RBFOX2: variants seen among roughly 807,000 people sequenced by gnomAD.
RBFOX2 encodes the protein RNA binding protein fox-1 homolog 2.
A neutral mutation model predicts 49.1 loss-of-function variants in RBFOX2; 10 were observed. That is an observed-to-expected ratio of 0.20 (90% CI 0.13 to 0.35). The LOEUF (loss-of-function observed/expected upper bound fraction) is 0.35, where lower values mean the gene tolerates loss of function less well. Among genes scored for constraint, RBFOX2 ranks in the 10% least tolerant of loss-of-function variants. The probability of loss-of-function intolerance (pLI) is 1.00; values close to 1 mark genes in which losing one functional copy is unlikely to be tolerated. For missense variants in RBFOX2, 323 were observed against 486.9 expected (o/e 0.66, Z 3.17); for synonymous variants, 183 against 187.4 (o/e 0.98, Z 0.19).
At chr22:35,810,310 T>C (rs1951621844) in intron 1 of RBFOX2, among the ~76,000 whole-genome samples, 1 of 151,560 alleles carries the variant, frequency 6.6e-6, no homozygotes, top group African/African-American at 2.4e-5. Context: ...ATCTTTCCTT[T>C]AAATTAAAAG....
chr22:35,768,470 A>C (rs1457760065), intron 4 of RBFOX2, 121 bp from the exon 6 acceptor site: 12 of 825,424 alleles, frequency 1.5e-5, no homozygotes, highest in Non-Finnish European at 2.1e-5. Context: ...CTCAGCAATA[A>C]TCTCCCAAAG....
intron 1 of RBFOX2, among the ~76,000 whole-genome samples, chr22:35,928,021 T>C (rs1047869412): frequency 1.3e-5 from 2 of 152,068 alleles, no homozygotes; most frequent in African/African-American, 4.8e-5. Flanking sequence ...ATAAAATAAA[T>C]GAGAAAAATG....
chr22:35,963,869 C>G (rs1389721904), upstream of RBFOX2, among the ~76,000 whole-genome samples: 1 of 152,170 alleles, frequency 6.6e-6, no homozygotes, highest in Non-Finnish European at 1.5e-5. Flanking sequence ...CCTCAGCCTC[C>G]TGAGTAGCTG....
chr22:35,897,345 T>C, intron 1 of RBFOX2: 3 of 1,346,992 alleles, frequency 2.2e-6, no homozygotes, highest in Non-Finnish European at 3.2e-6. Context: ...CCGCAGCACC[T>C]CAATGGCCTT....
At chr22:35,891,727 C>A (rs2047264510) in intron 1 of RBFOX2, among the ~76,000 whole-genome samples, 1 of 151,912 alleles carries the variant, frequency 6.6e-6, no homozygotes, top group Admixed American at 6.6e-5. Context: ...ATTACATAAT[C>A]ATCAAACAAG....
intron 2 of RBFOX2, among the ~76,000 whole-genome samples, chr22:35,804,745 A>G (rs1464900374): frequency 6.6e-6 from 1 of 152,190 alleles, no homozygotes; most frequent in African/African-American, 2.4e-5. Context: ...AGGCCTAAAA[A>G]AAAATACTAA....
At chr22:35,794,740 T>C (rs982119686) in intron 2 of RBFOX2, among the ~76,000 whole-genome samples, 4 of 152,190 alleles carry the variant, frequency 2.6e-5, no homozygotes, top group Non-Finnish European at 5.9e-5. Context: ...GTATAAAGTA[T>C]TTATGAAAAA....
chr22:35,871,153 C>T (rs957167541), intron 1 of RBFOX2, among the ~76,000 whole-genome samples: 17 of 152,290 alleles, frequency 1.1e-4, no homozygotes, highest in African/African-American at 4.1e-4. Flanking sequence ...ATGCTAATTA[C>T]CTGGGGAGAG....
In RBFOX2 at chr22:35,749,638, G is replaced by A. The variant is rs918496976; in HGVS notation, c.888-3077C>T. Among the ~76,000 whole-genome samples the A allele has an allele frequency of 6.6e-6, 1 of 152,076 alleles. No individual in the cohort carries two copies. The highest frequency in any genetic ancestry group is 1.5e-5 in the Non-Finnish European group (1 of 68,028). On this transcript the variant is annotated intron_variant, in intron 9 of 11. Transcript: ENST00000405409. The surrounding 1 kb of genome is among the most constrained non-coding windows in gnomAD (Gnocchi z 4.1). ...ATTTATTTCTATTCCAGATTTCAAA[G>A]TGCATAGAAATTTCAGGCTGAGAAA...
intron 1 of RBFOX2, among the ~76,000 whole-genome samples, chr22:35,825,251 A>G (rs1955409046): frequency 1.3e-5 from 2 of 152,160 alleles, no homozygotes; most frequent in Non-Finnish European, 2.9e-5. Flanking sequence ...AGATAGTCAA[A>G]TTAATCAATT....
chr22:35,932,366 G>T (rs2052531470), intron 1 of RBFOX2, among the ~76,000 whole-genome samples: 1 of 151,878 alleles, frequency 6.6e-6, no homozygotes, highest in African/African-American at 2.4e-5. Context: ...GTTAAGAAAA[G>T]AAACCCTTAG....
chr22:35,787,463 TA>T (rs1345749969), intron 2 of RBFOX2, among the ~76,000 whole-genome samples: 2 of 152,162 alleles, frequency 1.3e-5, no homozygotes, highest in African/African-American at 2.4e-5. Context: ...AAAGAACTAC[TA>T]AACTGATACA....
chr22:35,995,739 C>T (rs2058162945), intron 1 of RBFOX2: 1 of 155,578 alleles, frequency 6.4e-6, no homozygotes, highest in Non-Finnish European at 1.4e-5. Flanking sequence ...CCCAGTCATG[C>T]CTCCTGTTAA....
intron 1 of RBFOX2, among the ~76,000 whole-genome samples, chr22:36,011,608 G>GTAATAT (rs1294306002): frequency 6.6e-6 from 1 of 152,156 alleles, no homozygotes; most frequent in African/African-American, 2.4e-5. Context: ...CGTAGGCACT[G>GTAATAT]TCTCTAGAAG....
intron 8 of RBFOX2, among the ~76,000 whole-genome samples, chr22:35,760,849 C>G (rs1419638221): frequency 1.3e-5 from 2 of 152,192 alleles, no homozygotes; most frequent in African/African-American, 4.8e-5. Flanking sequence ...GGAAGTACTT[C>G]TAAGTGATCC....
chr22:35,781,812 C>A lies in RBFOX2; in HGVS notation c.253-66G>T, dbSNP rs139670937. Reference sequence around the variant, plus strand: ...TTTAAAATAATTAAAGTTATCCCCCCACAGCAATCATCCCCAAACAGGGTA... The same window carrying A: ...TTTAAAATAATTAAAGTTATCCCCCAACAGCAATCATCCCCAAACAGGGTA... On this transcript the variant is annotated intron_variant, in intron 2 of 11. Transcript: ENST00000405409. The A allele has an allele frequency of 4.3e-5, 68 of 1,597,038 alleles. 1 individual carries two copies. The Middle Eastern group carries it at 7.0e-4, about 16-fold the overall frequency.
chr22:35,891,929 AC>A (rs2047295320), intron 1 of RBFOX2, among the ~76,000 whole-genome samples: 1 of 152,138 alleles, frequency 6.6e-6, no homozygotes, highest in Non-Finnish European at 1.5e-5. Context: ...CTCCCGAGCC[AC>A]GAGTACTTAA....
At chr22:35,812,355 C>T (rs527691248) in intron 1 of RBFOX2, among the ~76,000 whole-genome samples, 21 of 151,490 alleles carry the variant, frequency 1.4e-4, no homozygotes, top group Middle Eastern at 3.4e-3. Context: ...AGTCTATCTT[C>T]GTCACCCATC....
chr22:35,958,307 G>A (rs1363251934), intron 1 of RBFOX2, among the ~76,000 whole-genome samples: 1 of 152,126 alleles, frequency 6.6e-6, no homozygotes, highest in Non-Finnish European at 1.5e-5. Context: ...AAATATATGT[G>A]ATCATGTCTA....
Sources: allele counts gnomAD v4.1 joint callset (sites outside exome capture counted in the v4.1 genomes callset), GRCh38; gene constraint gnomAD v4.1.1; non-coding constraint Gnocchi (gnomAD v3.1); transcripts MANE v1.5; gene names NCBI Gene and HGNC (gene_info 2026-07-23, HGNC 2026-07-21).